The following EYA1 variants were observed in gnomAD, a reference collection of about 807,000 sequenced individuals.
EYA1 encodes EYA transcriptional coactivator and phosphatase 1.
In EYA1, 16 loss-of-function variants were observed where a neutral mutation model predicts 82.0. The ratio of observed to expected loss-of-function variants is 0.20; its 90% CI spans 0.13 to 0.30. EYA1 has a LOEUF of 0.30. Ranked by LOEUF, EYA1 falls within the 10% of genes least tolerant of loss-of-function variation. EYA1 has a pLI of 1.00. For synonymous variants in EYA1, 261 were observed against 264.4 expected, an observed-to-expected ratio of 0.99 and a Z score of 0.12; for missense variants, 633 against 730.7, an observed-to-expected ratio of 0.87 and a Z score of 1.54.
Position 71,321,718 on chromosome 8 carries a change from G to A in EYA1, c.418+16C>T, listed in dbSNP as rs2129031321. 1.9e-6 allele frequency: 3 copies of A among 1,613,458 alleles called. No homozygotes were observed. The highest frequency in any genetic ancestry group is 2.5e-6 in the Non-Finnish European group (3 of 1,179,544). ...CCCATGCGATAACGCCACCACTACA[G>A]TTGCAGGTTACTCACCATATGAGGA... On this transcript the variant is annotated intron_variant, in intron 6 of 17. Transcript: ENST00000340726.
chr8:71,382,246 T>C (rs1375434913), intron 2 of EYA1, among the ~76,000 whole-genome samples: 4 of 152,184 alleles, frequency 2.6e-5, no homozygotes, highest in African/African-American at 9.6e-5. Flanking sequence ...ATTAAAATTA[T>C]GTTATACTGA....
intron 9 of EYA1, among the ~76,000 whole-genome samples, chr8:71,274,872 G>A (rs1018475992): frequency 6.6e-6 from 1 of 152,080 alleles, no homozygotes; most frequent in Non-Finnish European, 1.5e-5. Flanking sequence ...GTGGGAGAGA[G>A]AGAGAGAGTG....
At chr8:71,248,371 CAATT>C (rs2128911200) in intron 11 of EYA1, among the ~76,000 whole-genome samples, 1 of 152,306 alleles carries the variant, frequency 6.6e-6, no homozygotes, top group East Asian at 1.9e-4. Context: ...GTAAAAAACA[CAATT>C]AACACTGGGA....
upstream of EYA1, chr8:71,362,325 T>A: frequency 2.0e-6 from 1 of 494,080 alleles, no homozygotes; most frequent in Non-Finnish European, 2.6e-6. Context: ...CCCCACGCTA[T>A]CTGAATAAAC....
intron 12 of EYA1, among the ~76,000 whole-genome samples, chr8:71,223,716 T>C (rs1272006209): frequency 6.6e-6 from 1 of 152,244 alleles, no homozygotes; most frequent in East Asian, 1.9e-4. Context: ...AGACTCAAGC[T>C]GACCTTTTTC....
At chr8:71,260,547 C>A (rs1287874625) in intron 11 of EYA1, among the ~76,000 whole-genome samples, 1 of 152,150 alleles carries the variant, frequency 6.6e-6, no homozygotes, top group Admixed American at 6.6e-5. Context: ...AATATATTAT[C>A]TTTAAAAAAG....
intron 12 of EYA1, among the ~76,000 whole-genome samples, chr8:71,226,498 T>G (rs1006865906): frequency 1.3e-5 from 2 of 151,654 alleles, no homozygotes; most frequent in African/African-American, 4.8e-5. Flanking sequence ...ATATTTGTCT[T>G]TATTCACACT....
intron 2 of EYA1, among the ~76,000 whole-genome samples, chr8:71,465,058 C>A (rs1808678505): frequency 6.6e-6 from 1 of 152,154 alleles, no homozygotes; most frequent in Non-Finnish European, 1.5e-5. Flanking sequence ...TAAAGCAGAA[C>A]AATTTCATTT....
At chr8:71,216,187 G>C (rs1169521106) in intron 14 of EYA1, among the ~76,000 whole-genome samples, 1 of 152,172 alleles carries the variant, frequency 6.6e-6, no homozygotes, top group East Asian at 1.9e-4. Context: ...GAAGGCACAG[G>C]CTTCCCCGAC....
chr8:71,405,850 T>C (rs555824085), intron 2 of EYA1, among the ~76,000 whole-genome samples: 3 of 152,336 alleles, frequency 2.0e-5, no homozygotes, highest in African/African-American at 4.8e-5. Flanking sequence ...ACAAACTTTC[T>C]GGAAAACTAC....
intron 2 of EYA1, among the ~76,000 whole-genome samples, chr8:71,512,560 G>C (rs1302355490): frequency 6.6e-6 from 1 of 151,722 alleles, no homozygotes; most frequent in Non-Finnish European, 1.5e-5. Flanking sequence ...GAAATGGTCA[G>C]GGACACCAAA....
chr8:71,389,500 G>T, intron 2 of EYA1, among the ~76,000 whole-genome samples: 1 of 152,108 alleles, frequency 6.6e-6, no homozygotes, highest in East Asian at 1.9e-4. Flanking sequence ...GTTTCAAAAC[G>T]TGAGTTGGCA....
At chr8:71,213,940 A>G (rs1005427650) in intron 16 of EYA1, among the ~76,000 whole-genome samples, 12 of 152,212 alleles carry the variant, frequency 7.9e-5, no homozygotes, top group African/African-American at 2.9e-4. Context: ...TACTATGATG[A>G]GCAAGAGAGA....
At chr8:71,292,931 A>T (rs1384322888) in intron 9 of EYA1, among the ~76,000 whole-genome samples, 1 of 152,072 alleles carries the variant, frequency 6.6e-6, no homozygotes, top group Non-Finnish European at 1.5e-5. Flanking sequence ...TCAGAAAAAA[A>T]TTATGAAATA....
intron 12 of EYA1, among the ~76,000 whole-genome samples, chr8:71,227,672 TA>T (rs1020593075): frequency 7.2e-5 from 11 of 152,174 alleles, no homozygotes; most frequent in African/African-American, 1.9e-4. Flanking sequence ...GGTCATACAT[TA>T]TTTTTTTTTC....
At chr8:71,276,297 C>T (rs1278748452) in intron 9 of EYA1, among the ~76,000 whole-genome samples, 1 of 152,034 alleles carries the variant, frequency 6.6e-6, no homozygotes, top group African/African-American at 2.4e-5. Flanking sequence ...CTTCCATGGC[C>T]CTCTTATCCC....
intron 7 of EYA1, among the ~76,000 whole-genome samples, chr8:71,305,671 AAAT>A (rs1378274123): frequency 1.3e-5 from 2 of 151,728 alleles, no homozygotes; most frequent in Admixed American, 6.6e-5. Context: ...ATAAATAAAT[AAAT>A]AATTGTTAAC....
chr8:71,286,871 C>T (rs1356721832), intron 9 of EYA1, among the ~76,000 whole-genome samples: 2 of 144,360 alleles, frequency 1.4e-5, no homozygotes, highest in Non-Finnish European at 3.0e-5. Context: ...GGCACGATCT[C>T]AGTTCACTGC....
chr8:71,332,707 A>G (rs1012860048), intron 4 of EYA1, among the ~76,000 whole-genome samples: 1 of 152,080 alleles, frequency 6.6e-6, no homozygotes, highest in Admixed American at 6.6e-5. Context: ...CTCCCATTGC[A>G]CACAGGAGAA....
Sources: gnomAD v4.1 joint callset for allele counts (sites outside exome capture counted in the v4.1 genomes callset) on GRCh38, gnomAD v4.1.1 for gene constraint, MANE v1.5 for transcripts, NCBI Gene and HGNC (gene_info 2026-07-23, HGNC 2026-07-21) for gene names.